Variants in SPPL2B observed in about 807,000 individuals in gnomAD.
SPPL2B encodes signal peptide peptidase-like 2B.
A neutral mutation model predicts 59.7 loss-of-function variants in SPPL2B; 39 were observed. The ratio of observed to expected loss-of-function variants is 0.65; its 90% CI spans 0.51 to 0.85. SPPL2B has a LOEUF of 0.85. Among genes scored for constraint, SPPL2B ranks in the 40% least tolerant of loss-of-function variants. The pLI is 0.00. For missense variants in SPPL2B, 865 were observed against 849.0 expected (o/e 1.02, Z -0.23); for synonymous variants, 419 against 370.8 (o/e 1.13, Z -1.49).
intron 3 of SPPL2B, chr19:2,338,396 C>T: frequency 5.6e-6 from 1 of 178,264 alleles, no homozygotes; most frequent in Admixed American, 6.1e-5. Context: ...TGAGAGAGGC[C>T]CTCAGTGGGT....
Position 2,328,728 on chromosome 19 carries a change from G to C in SPPL2B, c.19G>C (p.Ala7Pro). 6.9e-7 allele frequency: 1 copy of C among 1,458,088 alleles called. No individual in the cohort carries two copies. The highest frequency in any genetic ancestry group is 9.0e-7 in the Non-Finnish European group (1 of 1,113,232). 90.3% of individuals were successfully genotyped at this position (1,458,088 alleles called of 1,614,324 possible). A position where few individuals can be genotyped will look rare whatever the true frequency, so the allele number is the denominator to read the frequency against. MAAAVA[A>P]ALARLLAAFL... The stretch of plus-strand genomic sequence containing the variant: ...GGCCGACATGGCGGCAGCGGTGGCG[G>C]CTGCGCTGGCGCGGCTTTTGGCGGC... Residue 7 changes from alanine to proline, a missense_variant, in exon 1 of 15, where the codon GCT becomes CCT. Transcript: ENST00000613503.
chr19:2,329,750 T>G (rs1206331203), intron 1 of SPPL2B, among the ~76,000 whole-genome samples: 1 of 152,132 alleles, frequency 6.6e-6, no homozygotes, highest in Non-Finnish European at 1.5e-5. Flanking sequence ...ACAGCAGGGG[T>G]GACCCTTTCA....
In SPPL2B at chr19:2,353,982, C is replaced by G. The variant is rs761838816; in HGVS notation, c.*773C>G. The G allele has an allele frequency of 2.0e-5, 3 of 152,280 alleles. No individual in the cohort carries two copies. The highest frequency in any genetic ancestry group is 2.9e-5 in the Non-Finnish European group (2 of 68,086). 9.4% of individuals were successfully genotyped at this position (152,280 alleles called of 1,614,324 possible). On this transcript the variant is annotated 3_prime_UTR_variant, in exon 15 of 15. Coordinates refer to ENST00000613503, the MANE Select transcript of SPPL2B (RefSeq NM_152988.3). ...GGTGGACGTCTCTCAGACTGCCCTT[C>G]TGACAAGCAGGGGTGGGCGCCAGGC...
At chr19:2,350,929 G>C (rs932252824) in intron 13 of SPPL2B, among the ~76,000 whole-genome samples, 1 of 152,220 alleles carries the variant, frequency 6.6e-6, no homozygotes, top group African/African-American at 2.4e-5. Context: ...CTGGGGGCAC[G>C]GCCCCGGTGG....
chr19:2,348,642 A>T (rs1215233127), intron 13 of SPPL2B, among the ~76,000 whole-genome samples: 4 of 137,308 alleles, frequency 2.9e-5, no homozygotes, highest in Non-Finnish European at 3.1e-5. Context: ...ACACGCTGTC[A>T]TTCGCTTGAT....
intron 7 of SPPL2B, chr19:2,340,513 T>C: frequency 1.7e-6 from 1 of 593,068 alleles, no homozygotes; most frequent in East Asian, 3.4e-5. Flanking sequence ...CTCTTAGGGG[T>C]AAAGGGAGCT....
At chr19:2,344,472 T>C (rs769862862) in intron 11 of SPPL2B, 48 bp downstream of exon 11, 1 of 1,567,582 alleles carries the variant, frequency 6.4e-7, no homozygotes, top group Non-Finnish European at 8.7e-7. Context: ...GTCAAGGTGT[T>C]GCGCGGAGCG....
chr19:2,337,506 C>A lies in SPPL2B; in HGVS notation c.250C>A (p.Arg84Ser). 1 of 1,613,308 alleles carries A rather than the reference C, an allele frequency of 6.2e-7. No individual in the cohort carries two copies. The highest frequency in any genetic ancestry group is 1.1e-5 in the South Asian group (1 of 91,040). The part of the protein sequence containing the change: ...LLCSAADLPA[R>S]GFSNQIPLVA... ...CTGCTCCGCAGCCGACCTCCCCGCC[C>A]GTGGCTTCAGCAACCAGATCCCGCT... The change falls in exon 3 of 15, where the codon CGT becomes AGT. Residue 84 changes from arginine to serine, a missense_variant. Arg to Ser is a moderately radical substitution (Grantham distance 110). Transcript: ENST00000613503.
intron 1 of SPPL2B, 63 bp downstream of exon 1, chr19:2,328,838 G>T (rs1968127374): frequency 1.5e-6 from 2 of 1,295,640 alleles, no homozygotes; most frequent in Admixed American, 8.3e-5. Flanking sequence ...TCTGTCCCCG[G>T]GCTACGCGCA....
At position 2,344,344 on chromosome 19, in the gene SPPL2B, C is replaced by T; in HGVS notation, c.1114-18C>T. 7.0e-7 allele frequency: 1 copy of T among 1,427,510 alleles called. No homozygotes were observed. The allele number at this position is 1,427,510 out of a possible 1,614,324, so 88.4% of individuals were successfully genotyped here. A position where few individuals can be genotyped will look rare whatever the true frequency, so the allele number is the denominator to read the frequency against. ...CACCCCATCACCACGCTCCCTCACT[C>T]AACCCCATTCTGTGCAGAGTGGGAG... is the stretch of plus-strand genomic sequence containing the variant. On this transcript the variant is annotated intron_variant, in intron 10 of 14. Transcript: ENST00000613503.
chr19:2,339,907 T>C lies in SPPL2B; in HGVS notation c.683T>C (p.Val228Ala). 6.3e-7 allele frequency: 1 copy of C among 1,577,432 alleles called. No homozygotes were observed. The highest frequency in any genetic ancestry group is 8.6e-7 in the Non-Finnish European group (1 of 1,161,576). Residue 228 changes from valine (V) to alanine (A), a missense_variant, in exon 6 of 15, where the codon GTG becomes GCG. Transcript: ENST00000613503. Reference protein sequence around the residue: ...AVDVTPVMTCVFVVMCCSMLV... With the variant: ...AVDVTPVMTCAFVVMCCSMLV... ...GACGTGACGCCGGTGATGACCTGCG[T>C]GTTTGTGGTGATGTGCTGCTCCATG...
rs1237415523 is a variant in SPPL2B, at chr19:2,332,456, T to C, written c.67-2146T>C. ...GAGCTGCGTCTGCACTGTTTTCCCT[T>C]GTGGCGTTGTGGTGTCGGCCCGTTT... is the stretch of plus-strand genomic sequence containing the variant. On this transcript the variant is annotated intron_variant, in intron 1 of 14. Coordinates refer to ENST00000613503, the MANE Select transcript of SPPL2B (RefSeq NM_152988.3). This position sits in a 1 kb window ranked among gnomAD's most constrained non-coding sequence, Gnocchi z 4.6. 1.3e-5 allele frequency among the ~76,000 whole-genome samples: 2 copies of C among 152,190 alleles called. No homozygotes were observed. The highest frequency in any genetic ancestry group is 3.9e-4 in the East Asian group (2 of 5,194).
intron 12 of SPPL2B, 109 bp from the exon 13 acceptor site, chr19:2,345,144 C>G: frequency 2.5e-6 from 2 of 797,310 alleles, no homozygotes; most frequent in South Asian, 1.5e-5. Flanking sequence ...CACCAGGCAG[C>G]GAGAGGCCCA....
chr19:2,353,339 A>C lies in SPPL2B; in HGVS notation c.*130A>C. The stretch of plus-strand genomic sequence containing the variant: ...GCCTGTGCCGTCCCCACCCGCCCCA[A>C]CATGGTGCTCATCCTTGCCGAGACC... On this transcript the variant is annotated 3_prime_UTR_variant, in exon 15 of 15. Transcript: ENST00000613503. 2 of 1,157,996 alleles carry C rather than the reference A, an allele frequency of 1.7e-6. No homozygotes were observed. The highest frequency in any genetic ancestry group is 2.4e-6 in the Non-Finnish European group (2 of 846,796). The allele number at this position is 1,157,996 out of a possible 1,614,324, so 71.7% of individuals were successfully genotyped here.
intron 13 of SPPL2B, among the ~76,000 whole-genome samples, chr19:2,347,301 CCTT>C (rs1372106809): frequency 9.2e-6 from 1 of 108,444 alleles, no homozygotes; most frequent in African/African-American, 3.5e-5. Flanking sequence ...ATTCCGTTCT[CCTT>C]CTCTCCACAC....
Position 2,351,837 on chromosome 19 carries a change from G to A in SPPL2B, c.1515+243G>A, listed in dbSNP as rs555897679. 3.1e-3 allele frequency among the ~76,000 whole-genome samples: 466 copies of A among 151,914 alleles called. 3 individuals are homozygous for A. Among genetic ancestry groups the A allele is most frequent in the African/African-American group, 0.011 (446 of 41,442 alleles). On this transcript the variant is annotated intron_variant, in intron 14 of 14. Transcript: ENST00000613503. ...GCCCGGGGGTGCCGGGTGGGACGCG[G>A]GGGTGCCGGGTGGGGCCCAGGGGTG...
chr19:2,353,303 C>G lies in SPPL2B; in HGVS notation c.*94C>G, dbSNP rs1970035104. ...AGACAGACAGACAGACGCCTGTCCC[C>G]CGGGACCGAGGCCTGTGCCGTCCCC... On this transcript the variant is annotated 3_prime_UTR_variant, in exon 15 of 15. Transcript: ENST00000613503. 1.4e-6 allele frequency: 2 copies of G among 1,414,146 alleles called. No homozygotes were observed. Among genetic ancestry groups the G allele is most frequent in the Non-Finnish European group, 1.9e-6 (2 of 1,068,234 alleles). The allele number at this position is 1,414,146 out of a possible 1,614,324, so 87.6% of individuals were successfully genotyped here.
chr19:2,342,906 A>G, intron 8 of SPPL2B: 1 of 357,982 alleles, frequency 2.8e-6, no homozygotes, highest in South Asian at 3.0e-5. Context: ...ATCTGGGGAC[A>G]GCGACCGAGG....
chr19:2,334,253 G>A (rs1198025741), intron 1 of SPPL2B, among the ~76,000 whole-genome samples: 6 of 152,146 alleles, frequency 3.9e-5, no homozygotes, highest in South Asian at 2.1e-4. Context: ...GGCTCTGCCC[G>A]TGGCTGTCAT....
Sources: allele counts gnomAD v4.1 joint callset (sites outside exome capture counted in the v4.1 genomes callset), GRCh38; gene constraint gnomAD v4.1.1; non-coding constraint Gnocchi (gnomAD v3.1); transcripts MANE v1.5; gene names NCBI Gene and HGNC (gene_info 2026-07-23, HGNC 2026-07-21).